Variants in FOXN2 observed in about 807,000 individuals in gnomAD.
FOXN2 encodes the protein forkhead box protein N2.
In FOXN2, 19 loss-of-function variants were observed where a neutral mutation model predicts 41.2. The ratio of observed to expected loss-of-function variants is 0.46; its 90% CI spans 0.32 to 0.68. The LOEUF (loss-of-function observed/expected upper bound fraction) is 0.68, where lower values mean the gene tolerates loss of function less well. Among genes scored for constraint, FOXN2 ranks in the 30% least tolerant of loss-of-function variants. FOXN2 has a pLI of 0.03. For missense variants in FOXN2, 587 were observed against 509.4 expected (o/e 1.15, Z -1.47); for synonymous variants, 195 against 176.8 (o/e 1.10, Z -0.82).
chr2:48,362,405 A>G (rs1195847736), intron 4 of FOXN2, among the ~76,000 whole-genome samples: 1 of 152,064 alleles, frequency 6.6e-6, no homozygotes, highest in African/African-American at 2.4e-5. Flanking sequence ...TTCTCTACCA[A>G]AAAAAATTAA....
At chr2:48,368,323 A>G (rs1672661119) in intron 5 of FOXN2, among the ~76,000 whole-genome samples, 1 of 152,232 alleles carries the variant, frequency 6.6e-6, no homozygotes, top group Non-Finnish European at 1.5e-5. Flanking sequence ...ATGAAAAAAT[A>G]CCATTATGAA....
chr2:48,358,904 A>C, intron 3 of FOXN2, 143 bp from the exon 4 acceptor site: 1 of 598,860 alleles, frequency 1.7e-6, no homozygotes. Context: ...ACTACAGTGC[A>C]CACATAGCAA....
At chr2:48,325,216 C>T (rs1288776106) in intron 1 of FOXN2, among the ~76,000 whole-genome samples, 1 of 152,046 alleles carries the variant, frequency 6.6e-6, no homozygotes, top group Admixed American at 6.6e-5. Context: ...CAGTTTGGAG[C>T]ACACCGTTTA....
At position 48,373,334 on chromosome 2, in the gene FOXN2, C is replaced by G; in HGVS notation, c.746C>G (p.Thr249Ser). 1.3e-6 allele frequency: 2 copies of G among 1,586,378 alleles called. No homozygotes were observed. The highest frequency in any genetic ancestry group is 1.4e-5 in the African/African-American group (1 of 72,952). Residue 249 changes from threonine to serine, a missense_variant, in exon 6 of 7, where the codon ACT becomes AGT. Transcript: ENST00000340553. ...GCTGCTGCAATGATGCTTTTAAATA[C>G]TTCTATAGAACAAGGAATTTTAGAA... ...DAAAAMMLLN[T>S]SIEQGILECE...
chr2:48,357,155 A>G (rs1458397604), intron 3 of FOXN2, among the ~76,000 whole-genome samples: 1 of 152,200 alleles, frequency 6.6e-6, no homozygotes, highest in Admixed American at 6.5e-5. Context: ...AAGTGCTGCC[A>G]TGGTAACGTA....
chr2:48,333,088 T>C (rs191931625), intron 2 of FOXN2, among the ~76,000 whole-genome samples: 10 of 152,202 alleles, frequency 6.6e-5, no homozygotes, highest in Non-Finnish European at 1.5e-5. Context: ...CCTAGTGTTA[T>C]GTATGTTAAT....
In FOXN2 at chr2:48,336,867, A is replaced by G. The variant is rs557230040; in HGVS notation, c.-15+8165A>G. On this transcript the variant is annotated intron_variant, in intron 2 of 6. Coordinates refer to ENST00000340553, the MANE Select transcript of FOXN2 (RefSeq NM_002158.4). Reference sequence around the variant, plus strand: ...TGTATATATTTATGGGGTACGTGAGATGTTTTGATACAGGTATGCAATGTG... The same window carrying G: ...TGTATATATTTATGGGGTACGTGAGGTGTTTTGATACAGGTATGCAATGTG... Among the ~76,000 whole-genome samples, 18 of 152,094 alleles carry G rather than the reference A, an allele frequency of 1.2e-4. No homozygotes were observed. The South Asian group carries it at 3.7e-3, about 32-fold the overall frequency.
intron 1 of FOXN2, among the ~76,000 whole-genome samples, chr2:48,325,237 A>G (rs894332335): frequency 6.6e-6 from 1 of 152,162 alleles, no homozygotes; most frequent in Non-Finnish European, 1.5e-5. Context: ...ATCCTTCTCT[A>G]TGTGTGTTTC....
intron 2 of FOXN2, among the ~76,000 whole-genome samples, chr2:48,334,190 T>TA (rs2104259335): frequency 6.6e-6 from 1 of 152,342 alleles, no homozygotes; most frequent in Non-Finnish European, 1.5e-5. Flanking sequence ...CAGTTTTCTT[T>TA]AAAAATATCT....
chr2:48,347,533 T>TG (rs1671189377), intron 3 of FOXN2, among the ~76,000 whole-genome samples: 2 of 148,020 alleles, frequency 1.4e-5, no homozygotes, highest in African/African-American at 5.0e-5. Context: ...AGCCGAGGTG[T>TG]TGTGTGTGTG....
chr2:48,350,670 C>G (rs1182654039), intron 3 of FOXN2, among the ~76,000 whole-genome samples: 7 of 152,144 alleles, frequency 4.6e-5, no homozygotes, highest in Non-Finnish European at 1.0e-4. Context: ...GTACATCTGT[C>G]TTCATTCATA....
intron 5 of FOXN2, among the ~76,000 whole-genome samples, chr2:48,372,117 G>A (rs1259314825): frequency 1.3e-5 from 2 of 152,048 alleles, no homozygotes; most frequent in African/African-American, 2.4e-5. Flanking sequence ...CAGTTCTTAG[G>A]GGAAACGCTT....
chr2:48,355,314 C>T (rs1671719690), intron 3 of FOXN2, among the ~76,000 whole-genome samples: 1 of 151,834 alleles, frequency 6.6e-6, no homozygotes, highest in Non-Finnish European at 1.5e-5. Context: ...AGGATGCAGT[C>T]CAGAGTATAG....
intron 3 of FOXN2, among the ~76,000 whole-genome samples, chr2:48,355,323 A>G (rs1380287837): frequency 2.6e-5 from 4 of 152,204 alleles, no homozygotes; most frequent in African/African-American, 9.6e-5. Flanking sequence ...TCCAGAGTAT[A>G]GGTAGAATTT....
chr2:48,352,388 G>T (rs543545644), intron 3 of FOXN2, among the ~76,000 whole-genome samples: 1 of 152,182 alleles, frequency 6.6e-6, no homozygotes, highest in Non-Finnish European at 1.5e-5. Flanking sequence ...TCTTTGATTT[G>T]TATAACACTG....
intron 1 of FOXN2, among the ~76,000 whole-genome samples, chr2:48,320,541 C>T (rs538181454): frequency 3.9e-5 from 6 of 152,076 alleles, no homozygotes; most frequent in Admixed American, 2.0e-4. Flanking sequence ...CTGCCCACCT[C>T]GGCCTCCCAA....
At chr2:48,366,716 A>G (rs935623347) in intron 5 of FOXN2, among the ~76,000 whole-genome samples, 1 of 152,026 alleles carries the variant, frequency 6.6e-6, no homozygotes, top group Non-Finnish European at 1.5e-5. Flanking sequence ...CCCCTCTTTT[A>G]CAGATAAGCA....
chr2:48,317,584 C>T (rs115227489), intron 1 of FOXN2, among the ~76,000 whole-genome samples: 2,184 of 134,532 alleles, frequency 0.016, 47 homozygotes, highest in African/African-American at 0.053. Context: ...TGCCTATAGC[C>T]TATAGTATTG....
intron 2 of FOXN2, among the ~76,000 whole-genome samples, chr2:48,342,837 G>A: frequency 6.6e-6 from 1 of 152,064 alleles, no homozygotes; most frequent in African/African-American, 2.4e-5. Flanking sequence ...TCAGCACTTG[G>A]TTTTTAATAA....
Sources: gnomAD v4.1 joint callset for allele counts (sites outside exome capture counted in the v4.1 genomes callset) on GRCh38, gnomAD v4.1.1 for gene constraint, MANE v1.5 for transcripts, NCBI Gene and HGNC (gene_info 2026-07-23, HGNC 2026-07-21) for gene names.